AOX1: variants seen among roughly 807,000 people sequenced by gnomAD.
AOX1 encodes aldehyde oxidase 1, also known as aldehyde oxidase.
Under a neutral mutation model 169.5 loss-of-function variants are expected in AOX1, and 153 were observed. That is an observed-to-expected ratio of 0.90 (90% CI 0.79 to 1.03). The LOEUF (loss-of-function observed/expected upper bound fraction) is 1.03, where lower values mean the gene tolerates loss of function less well. AOX1 is among the 50% of genes least tolerant of loss of function. The probability of loss-of-function intolerance (pLI) is 0.00; values close to 1 mark genes in which losing one functional copy is unlikely to be tolerated. For synonymous variants in AOX1, 562 were observed against 581.9 expected, an observed-to-expected ratio of 0.97 and a Z score of 0.49; for missense variants, 1,656 against 1,663.9, an observed-to-expected ratio of 1.00 and a Z score of 0.08.
intron 7 of AOX1, 51 bp from the exon 8 acceptor site, chr2:200,603,966 G>A (rs755742002): frequency 8.0e-7 from 1 of 1,250,990 alleles, no homozygotes. Flanking sequence ...ATTCCACAAA[G>A]GATTTTAAAG....
chr2:200,654,503 T>C (rs1229223388), intron 26 of AOX1, among the ~76,000 whole-genome samples: 3 of 152,246 alleles, frequency 2.0e-5, no homozygotes, highest in Non-Finnish European at 4.4e-5. Flanking sequence ...TTGTGTGATT[T>C]GCTTTATTGC....
intron 3 of AOX1, among the ~76,000 whole-genome samples, chr2:200,596,909 T>C (rs546457163): frequency 4.5e-4 from 69 of 152,320 alleles, no homozygotes; most frequent in African/African-American, 1.6e-3. Flanking sequence ...ATGGCTTGTT[T>C]TTACCTTCTG....
In AOX1 at chr2:200,669,695, A is replaced by T; in HGVS notation, c.3919A>T (p.Thr1307Ser). 1 of 1,613,964 alleles carries T rather than the reference A, an allele frequency of 6.2e-7. No individual in the cohort carries two copies. Among genetic ancestry groups the T allele is most frequent in the Non-Finnish European group, 8.5e-7 (1 of 1,179,994 alleles). The change falls in exon 34 of 35, where the codon ACC becomes TCC. Residue 1307 changes from threonine to serine, a missense_variant. Physicochemically the swap from Thr to Ser is moderately conservative, Grantham distance 58. Coordinates refer to ENST00000374700, the MANE Select transcript of AOX1 (RefSeq NM_001159.4). Reference sequence around the variant, plus strand: ...ACCCTTGACCCTTAATAGTCCACTGACCCCGGAGAAGATTAGGATGGCCTG... The same window carrying T: ...ACCCTTGACCCTTAATAGTCCACTGTCCCCGGAGAAGATTAGGATGGCCTG... ...HGPLTLNSPL[T>S]PEKIRMACED... is the part of the protein sequence containing the mutation.
chr2:200,592,249 G>A (rs2034188613), intron 1 of AOX1, among the ~76,000 whole-genome samples: 1 of 152,170 alleles, frequency 6.6e-6, no homozygotes, highest in Non-Finnish European at 1.5e-5. Context: ...ATTGGCATAT[G>A]CCACACCTTG....
chr2:200,603,165 G>A (rs781306175), intron 6 of AOX1, 102 bp from the exon 7 acceptor site: 25 of 886,464 alleles, frequency 2.8e-5, no homozygotes, highest in African/African-American at 3.3e-5. Flanking sequence ...GGCATCTAAC[G>A]ATATTGATTC....
In AOX1 at chr2:200,666,759, G is replaced by A. The variant is rs757506811; in HGVS notation, c.3609+7G>A. ...AGCCATTGACATAGGCCAGGTACGTGTAACTGATGTGTCTCACTTTCTATT... is the reference window on the plus strand; with the variant it reads ...AGCCATTGACATAGGCCAGGTACGTATAACTGATGTGTCTCACTTTCTATT... On this transcript the variant is annotated splice_region_variant and intron_variant, in intron 32 of 34. Coordinates refer to ENST00000374700, the MANE Select transcript of AOX1 (RefSeq NM_001159.4). The A allele has an allele frequency of 3.1e-6, 5 of 1,603,678 alleles. No individual in the cohort carries two copies. Among genetic ancestry groups the A allele is most frequent in the Non-Finnish European group, 4.3e-6 (5 of 1,175,422 alleles).
At chr2:200,648,398 G>A (rs184263582) in intron 25 of AOX1, among the ~76,000 whole-genome samples, 143 of 152,246 alleles carry the variant, frequency 9.4e-4, no homozygotes, top group African/African-American at 3.0e-3. Flanking sequence ...CCCAGCTCCC[G>A]GCTGGTACTG....
At chr2:200,622,974 C>G (rs1346770477) in intron 18 of AOX1, among the ~76,000 whole-genome samples, 1 of 152,146 alleles carries the variant, frequency 6.6e-6, no homozygotes, top group East Asian at 1.9e-4. Flanking sequence ...CTTCACTGCC[C>G]CTACCCCAAA....
In AOX1 at chr2:200,656,850, C is replaced by T; in HGVS notation, c.3084C>T (p.Ala1028=). The change falls in exon 27 of 35, where the codon GCC becomes GCT. Residue 1028 remains alanine, a synonymous_variant. Coordinates refer to ENST00000374700, the MANE Select transcript of AOX1 (RefSeq NM_001159.4). ...LGSRAAGQAA[A]LVHIYLDGSV... ...TCGTCTTTTCTGCTCAGGCTGCTGC[C>T]TTGGTTCACATTTATCTTGATGGCT... 1.3e-6 allele frequency: 2 copies of T among 1,577,996 alleles called. No individual in the cohort carries two copies. Among genetic ancestry groups the T allele is most frequent in the Non-Finnish European group, 8.6e-7 (1 of 1,161,184 alleles).
intron 26 of AOX1, 108 bp from the exon 27 acceptor site, chr2:200,656,734 G>A: frequency 2.7e-6 from 2 of 750,960 alleles, no homozygotes; most frequent in South Asian, 3.0e-5. Flanking sequence ...CACCCTGGGG[G>A]GTGCGGGATT....
intron 26 of AOX1, among the ~76,000 whole-genome samples, chr2:200,652,855 A>T (rs1164198691): frequency 6.6e-6 from 1 of 152,200 alleles, no homozygotes; most frequent in Non-Finnish European, 1.5e-5. Context: ...GCTTGAGGCC[A>T]GAAGTTTGAA....
intron 5 of AOX1, among the ~76,000 whole-genome samples, chr2:200,601,043 T>C (rs1402678556): frequency 6.6e-6 from 1 of 151,710 alleles, no homozygotes; most frequent in African/African-American, 2.4e-5. Flanking sequence ...ATAATAACTT[T>C]GATCTTTCTG....
At chr2:200,603,770 T>C (rs2034459862) in intron 7 of AOX1, among the ~76,000 whole-genome samples, 3 of 152,156 alleles carry the variant, frequency 2.0e-5, no homozygotes, top group Middle Eastern at 3.2e-3. Context: ...TCTTCTACTG[T>C]CCCCAGACTC....
intron 16 of AOX1, among the ~76,000 whole-genome samples, chr2:200,618,719 A>C (rs1378193438): frequency 6.6e-6 from 1 of 152,068 alleles, no homozygotes; most frequent in Non-Finnish European, 1.5e-5. Context: ...ACTCTTCTCG[A>C]GTTCCTGGAG....
intron 14 of AOX1, 70 bp from the exon 15 acceptor site, chr2:200,613,734 T>C: frequency 6.9e-7 from 1 of 1,439,462 alleles, no homozygotes; most frequent in South Asian, 1.3e-5. Context: ...GCTATTTGTC[T>C]TACCCATTAG....
chr2:200,609,149 G>A lies in AOX1; in HGVS notation c.1059+14G>A. On this transcript the variant is annotated intron_variant, in intron 11 of 34. Transcript: ENST00000374700. ...AGGAACATGGCTGTATGTATCTGAT[G>A]ACAGTAAACTCTGGTATGCATCCCT... 6.2e-7 allele frequency: 1 copy of A among 1,613,454 alleles called. No individual in the cohort carries two copies.
At position 200,642,725 on chromosome 2, in the gene AOX1, G is replaced by C. The variant is rs144275574; in HGVS notation, c.2771G>C (p.Gly924Ala). 2 of 1,614,156 alleles carry C rather than the reference G, an allele frequency of 1.2e-6. No homozygotes were observed. The change falls in exon 25 of 35, where the codon GGC becomes GCC. Residue 924 changes from glycine to alanine, a missense_variant. Physicochemically the swap from Gly to Ala is moderately conservative, Grantham distance 60. Coordinates refer to ENST00000374700, the MANE Select transcript of AOX1 (RefSeq NM_001159.4). ...LPSNTAFRGFGFPQAALITES... is the reference protein window; with the variant it reads ...LPSNTAFRGFAFPQAALITES... Reference sequence around the variant, plus strand: ...TCCAACACAGCTTTTCGTGGGTTTGGCTTTCCTCAGGCAGCGCTGATCACC... The same window carrying C: ...TCCAACACAGCTTTTCGTGGGTTTGCCTTTCCTCAGGCAGCGCTGATCACC...
At chr2:200,661,729 A>G in intron 30 of AOX1, 98 bp downstream of exon 30, 2 of 869,060 alleles carry the variant, frequency 2.3e-6, no homozygotes, top group South Asian at 1.5e-5. Context: ...TTGACTTTCT[A>G]CCTTCTATTT....
chr2:200,619,014 G>A (rs1028515482), intron 16 of AOX1, among the ~76,000 whole-genome samples: 3 of 152,152 alleles, frequency 2.0e-5, no homozygotes, highest in Admixed American at 6.5e-5. Context: ...CATTTTAGAT[G>A]GATTCAAGTA....
Sources: allele counts gnomAD v4.1 joint callset (sites outside exome capture counted in the v4.1 genomes callset), GRCh38; gene constraint gnomAD v4.1.1; transcripts MANE v1.5; gene names NCBI Gene and HGNC (gene_info 2026-07-23, HGNC 2026-07-21).